NXNL1: variants seen among roughly 807,000 people sequenced by gnomAD.
NXNL1 encodes the protein nucleoredoxin-like protein 1.
NXNL1 carries 6 observed loss-of-function variants against 7.2 expected under a neutral mutation model. That is an observed-to-expected ratio of 0.83 (90% confidence interval 0.46 to 1.64). The LOEUF (loss-of-function observed/expected upper bound fraction) is 1.64, where lower values mean the gene tolerates loss of function less well. Ranked by LOEUF, NXNL1 falls within the 40% of genes most tolerant of loss-of-function variation. NXNL1 has a pLI of 0.01. For synonymous variants in NXNL1, 133 were observed against 127.2 expected (o/e 1.05, Z -0.31); for missense variants, 308 against 285.1 (o/e 1.08, Z -0.58).
chr19:17,460,829 T>A lies in NXNL1; in HGVS notation c.41A>T (p.Asn14Ile). The change falls in exon 1 of 2, where the codon AAT (asparagine) becomes ATT (isoleucine). Residue 14 changes from asparagine (N) to isoleucine (I), a missense_variant. Physicochemically the swap from Asn to Ile is moderately radical, Grantham distance 149. Transcript: ENST00000301944. ...CGTATCCAGCTCGTCCTGGTCGCTATTGTTGCGGATCAGGATGCGGCCAGA... is the reference window on the plus strand; with the variant it reads ...CGTATCCAGCTCGTCCTGGTCGCTAATGTTGCGGATCAGGATGCGGCCAGA... ...LFSGRILIRN[N>I]SDQDELDTEA... 1 of 1,613,798 alleles carries A rather than the reference T, an allele frequency of 6.2e-7. No homozygotes were observed.
Position 17,455,663 on chromosome 19 carries a change from G to GGCCCCCCCCCCCCCCCC in NXNL1, c.622_623insGGGGGGGGGGGGGGGGC (p.Ala208GlyfsTer62). Reference sequence around the variant, plus strand: ...CCTAGCGGGTCAGAACAGCCCCCCGGCCCCGCCCTCCTCCCCACCCCCTCC... The same window carrying GGCCCCCCCCCCCCCCCC: ...CCTAGCGGGTCAGAACAGCCCCCCGGGCCCCCCCCCCCCCCCCCCCCGCCCTCCTCCCCACCCCCTCC... On this transcript the variant is annotated frameshift_variant, in exon 2 of 2. Transcript: ENST00000301944. LOFTEE classifies it high-confidence loss of function. 1 of 771,716 alleles carries GGCCCCCCCCCCCCCCCC rather than the reference G, an allele frequency of 1.3e-6. No individual in the cohort carries two copies. Among genetic ancestry groups the GGCCCCCCCCCCCCCCCC allele is most frequent in the Non-Finnish European group, 2.2e-6 (1 of 464,466 alleles). 47.8% of individuals were successfully genotyped at this position (771,716 alleles called of 1,614,324 possible).
In NXNL1 at chr19:17,460,636, C is replaced by T. The variant is rs2075009130; in HGVS notation, c.234G>A (p.Val78=). 1 of 1,612,660 alleles carries T rather than the reference C, an allele frequency of 6.2e-7. No homozygotes were observed. The change falls in exon 1 of 2, where the codon GTG becomes GTA. Residue 78 remains valine, a synonymous_variant. Coordinates refer to ENST00000301944, the MANE Select transcript of NXNL1 (RefSeq NM_138454.2). The part of the protein sequence containing the change: ...LRAAQLALVY[V]SQDSTEEQQD... ...GCTGCTCCTCCGTGGAGTCCTGGGA[C>T]ACGTACACCAGGGCCAGCTGAGCCG...
At chr19:17,459,452 C>T (rs754301965) in intron 1 of NXNL1, among the ~76,000 whole-genome samples, 1 of 151,828 alleles carries the variant, frequency 6.6e-6, no homozygotes, top group Non-Finnish European at 1.5e-5. Flanking sequence ...GAGTCTCACT[C>T]TGTTGCCCAG....
chr19:17,458,108 G>A (rs1176670152), intron 1 of NXNL1, among the ~76,000 whole-genome samples: 1 of 151,964 alleles, frequency 6.6e-6, no homozygotes, highest in African/African-American at 2.4e-5. Flanking sequence ...TTGTATTGTA[G>A]ACAAAGTGAA....
chr19:17,458,409 A>G (rs2144516811), intron 1 of NXNL1, among the ~76,000 whole-genome samples: 1 of 150,382 alleles, frequency 6.6e-6, no homozygotes, highest in South Asian at 2.1e-4. Context: ...TTTAGTAGAG[A>G]CGGGGTTTCA....
At chr19:17,457,364 A>AT (rs1013553171) in intron 1 of NXNL1, among the ~76,000 whole-genome samples, 7 of 151,454 alleles carry the variant, frequency 4.6e-5, no homozygotes, top group East Asian at 1.9e-4. Context: ...GTTTATCTCA[A>AT]TTTTTTTTTC....
At chr19:17,456,875 C>G (rs1426289168) in intron 1 of NXNL1, among the ~76,000 whole-genome samples, 1 of 151,708 alleles carries the variant, frequency 6.6e-6, no homozygotes, top group Non-Finnish European at 1.5e-5. Flanking sequence ...GGTGAAACCC[C>G]GTCTCTACTA....
intron 1 of NXNL1, among the ~76,000 whole-genome samples, chr19:17,456,307 C>CAAATAAATAAAT (rs79711612): frequency 0.14 from 20,264 of 140,268 alleles, 1,659 homozygotes; most frequent in African/African-American, 0.21. Context: ...CCTGTCTCTA[C>CAAATAAATAAAT]AAATAAATAA....
intron 1 of NXNL1, among the ~76,000 whole-genome samples, chr19:17,460,219 C>T (rs2075007368): frequency 6.6e-6 from 1 of 152,066 alleles, no homozygotes. Context: ...CTATGTTGAC[C>T]AGGCTTGTCT....
At position 17,455,817 on chromosome 19, in the gene NXNL1, C is replaced by T. The variant is rs752754488; in HGVS notation, c.469G>A (p.Glu157Lys). The T allele has an allele frequency of 3.8e-5, 60 of 1,574,576 alleles. No homozygotes were observed. The Middle Eastern group carries it at 1.0e-3, about 26-fold the overall frequency. ...ACFANWQEAA[E>K]VLDRNFQLPE... ...AGCTGGAAGTTGCGGTCCAGCACCT[C>T]GGCCGCCTCCTGCCAGTTGGCGAAG... The change falls in exon 2 of 2, where the codon GAG becomes AAG. Residue 157 changes from glutamate (E) to lysine (K), a missense_variant. By Grantham distance (56) the Glu-to-Lys change is moderately conservative. Transcript: ENST00000301944.
chr19:17,460,198 A>T (rs562673602), intron 1 of NXNL1, among the ~76,000 whole-genome samples: 1 of 152,020 alleles, frequency 6.6e-6, no homozygotes, highest in East Asian at 1.9e-4. Context: ...TTTAGTAGAG[A>T]CAGGGTTTCA....
chr19:17,455,595 TGGGGG>T lies in NXNL1; in HGVS notation c.*47_*51del. The T allele has an allele frequency of 5.4e-6, 6 of 1,102,572 alleles. No individual in the cohort carries two copies. The highest frequency in any genetic ancestry group is 1.5e-5 in the South Asian group (1 of 67,302). The allele number at this position is 1,102,572 out of a possible 1,614,324, so 68.3% of individuals were successfully genotyped here. ...GGATTACAGGCGTGCGGGGGTGGGG[TGGGGG>T]TGGAGGTTCATCAACAAACCCCACT... On this transcript the variant is annotated 3_prime_UTR_variant, in exon 2 of 2. Coordinates refer to ENST00000301944, the MANE Select transcript of NXNL1 (RefSeq NM_138454.2).
In NXNL1 at chr19:17,455,899, G is replaced by C. The variant is rs763119735; in HGVS notation, c.387C>G (p.Asp129Glu). ...RLPAVVVLKP[D>E]GDVLTRDGAD... ...CGCCGTCGCGAGTGAGCACGTCCCCGTCCGGCTTGAGCACCACGACCGCCG... is the reference window on the plus strand; with the variant it reads ...CGCCGTCGCGAGTGAGCACGTCCCCCTCCGGCTTGAGCACCACGACCGCCG... The change falls in exon 2 of 2, where the codon GAC (aspartate) becomes GAG (glutamate). Residue 129 changes from aspartate to glutamate, a missense_variant. Physicochemically the swap from Asp to Glu is conservative, Grantham distance 45 (BLOSUM62 2). Coordinates refer to ENST00000301944, the MANE Select transcript of NXNL1 (RefSeq NM_138454.2). 1 of 1,594,508 alleles carries C rather than the reference G, an allele frequency of 6.3e-7. No homozygotes were observed. The highest frequency in any genetic ancestry group is 8.5e-7 in the Non-Finnish European group (1 of 1,177,756).
intron 1 of NXNL1, 152 bp downstream of exon 1, chr19:17,460,392 G>A: frequency 1.3e-6 from 1 of 777,174 alleles, no homozygotes; most frequent in Middle Eastern, 3.3e-4. Context: ...ATGGAAGCCA[G>A]CATGTGGAAG....
rs759078264 is a variant in NXNL1 at position 17,460,901 on chromosome 19, G to A, written c.-32C>T. The A allele has an allele frequency of 1.2e-5, 19 of 1,602,720 alleles. No homozygotes were observed. The highest frequency in any genetic ancestry group is 1.0e-4 in the Admixed American group (6 of 59,978). On this transcript the variant is annotated 5_prime_UTR_variant, in exon 1 of 2. Coordinates refer to ENST00000301944, the MANE Select transcript of NXNL1 (RefSeq NM_138454.2). ...CTGGGTTGGGTGCTGGGGACAGCGC[G>A]GCGTGTGGTCCCCGGTCTGCTGACT...
Position 17,455,663 on chromosome 19 carries a change from G to GCCCCCCCCCCCCCC in NXNL1, c.622_623insGGGGGGGGGGGGGG (p.Ala208GlyfsTer61). On this transcript the variant is annotated frameshift_variant, in exon 2 of 2. Coordinates refer to ENST00000301944, the MANE Select transcript of NXNL1 (RefSeq NM_138454.2). LOFTEE classifies it high-confidence loss of function. ...CCTAGCGGGTCAGAACAGCCCCCCG[G>GCCCCCCCCCCCCCC]CCCCGCCCTCCTCCCCACCCCCTCC... 14 of 771,704 alleles carry GCCCCCCCCCCCCCC rather than the reference G, an allele frequency of 1.8e-5. No homozygotes were observed. Among genetic ancestry groups the GCCCCCCCCCCCCCC allele is most frequent in the East Asian group, 2.8e-5 (1 of 36,236 alleles). 47.8% of individuals were successfully genotyped at this position (771,704 alleles called of 1,614,324 possible).
intron 1 of NXNL1, 37 bp downstream of exon 1, chr19:17,460,507 C>A (rs780700728): frequency 3.3e-5 from 53 of 1,590,162 alleles, no homozygotes; most frequent in Non-Finnish European, 9.4e-6. Context: ...AGCGAACATG[C>A]CCCCTCCTCC....
intron 1 of NXNL1, among the ~76,000 whole-genome samples, chr19:17,458,345 C>G (rs2075000781): frequency 1.3e-5 from 2 of 150,612 alleles, no homozygotes; most frequent in Admixed American, 6.6e-5. Flanking sequence ...TCAGCCTCTC[C>G]GAGTAGCTGG....
At position 17,455,693 on chromosome 19, in the gene NXNL1, G is replaced by A; in HGVS notation, c.593C>T (p.Pro198Leu). Reference sequence around the variant, plus strand: ...GCCCTCCTCCCCACCCCCTCCCCCGGGGTCGCGCCCGCCTCGCGCCGCCTT... The same window carrying A: ...GCCCTCCTCCCCACCCCCTCCCCCGAGGTCGCGCCCGCCTCGCGCCGCCTT... ...VEKAARGGRD[P>L]GGGGGEEGGA... Residue 198 changes from proline to leucine, a missense_variant, in exon 2 of 2, where the codon CCC (proline) becomes CTC (leucine). By Grantham distance (98) the Pro-to-Leu change is moderately conservative. Transcript: ENST00000301944. 2.2e-6 allele frequency: 1 copy of A among 463,412 alleles called. No individual in the cohort carries two copies. The highest frequency in any genetic ancestry group is 3.4e-6 in the Non-Finnish European group (1 of 296,464). 28.7% of individuals were successfully genotyped at this position (463,412 alleles called of 1,614,324 possible).
Sources: gnomAD v4.1 joint callset for allele counts (sites outside exome capture counted in the v4.1 genomes callset) on GRCh38, gnomAD v4.1.1 for gene constraint, MANE v1.5 for transcripts, NCBI Gene and HGNC (gene_info 2026-07-23, HGNC 2026-07-21) for gene names.